The following FAM120A variants were observed in gnomAD, a reference collection of about 807,000 sequenced individuals.
FAM120A encodes constitutive coactivator of PPAR-gamma-like protein 1.
Under a neutral mutation model 109.7 loss-of-function variants are expected in FAM120A, and 15 were observed. That is an observed-to-expected ratio of 0.14 (90% CI 0.09 to 0.21). The LOEUF is 0.21. FAM120A is among the 10% of genes least tolerant of loss of function. FAM120A has a pLI of 1.00. For synonymous variants in FAM120A, 493 were observed against 572.8 expected, an observed-to-expected ratio of 0.86 and a Z score of 1.99; for missense variants, 899 against 1,439.3, an observed-to-expected ratio of 0.62 and a Z score of 6.07.
intron 7 of FAM120A, among the ~76,000 whole-genome samples, chr9:93,526,948 C>T (rs1348689221): frequency 6.6e-6 from 1 of 152,100 alleles, no homozygotes; most frequent in African/African-American, 2.4e-5. Flanking sequence ...GTTAGGTGTT[C>T]GATAGTTTCT....
At chr9:93,513,327 A>T (rs1209415008) in intron 5 of FAM120A, among the ~76,000 whole-genome samples, 1 of 152,142 alleles carries the variant, frequency 6.6e-6, no homozygotes, top group African/African-American at 2.4e-5. Flanking sequence ...TGTGTGCGCC[A>T]TGCATGCACG....
intron 1 of FAM120A, among the ~76,000 whole-genome samples, chr9:93,454,124 G>A (rs1485122470): frequency 6.6e-6 from 1 of 152,188 alleles, no homozygotes; most frequent in Non-Finnish European, 1.5e-5. Flanking sequence ...ATGTGTCAGT[G>A]TTAGGAAACT....
chr9:93,471,470 A>C, intron 2 of FAM120A, 83 bp downstream of exon 2: 1 of 1,533,808 alleles, frequency 6.5e-7, no homozygotes, highest in Non-Finnish European at 8.9e-7. Flanking sequence ...TCTGTGCTTG[A>C]ATGTTTTGGA....
At chr9:93,553,406 A>G (rs1862174346) in intron 12 of FAM120A, among the ~76,000 whole-genome samples, 1 of 152,260 alleles carries the variant, frequency 6.6e-6, no homozygotes, top group African/African-American at 2.4e-5. Flanking sequence ...GGGGCATGCA[A>G]CATGTCTGTG....
At chr9:93,489,450 AT>A (rs1859214862) in intron 3 of FAM120A, among the ~76,000 whole-genome samples, 1 of 152,158 alleles carries the variant, frequency 6.6e-6, no homozygotes, top group Admixed American at 6.5e-5. Flanking sequence ...TTGTAAAGAG[AT>A]CCTGTCACTG....
Position 93,452,427 on chromosome 9 carries a change from C to A in FAM120A, c.474+38C>A. 6.4e-7 allele frequency: 1 copy of A among 1,572,790 alleles called. No homozygotes were observed. Among genetic ancestry groups the A allele is most frequent in the East Asian group, 2.3e-5 (1 of 42,780 alleles). On this transcript the variant is annotated intron_variant, in intron 1 of 17. Coordinates refer to ENST00000277165, the MANE Select transcript of FAM120A (RefSeq NM_014612.5). This position sits in a 1 kb window ranked among gnomAD's most constrained non-coding sequence, Gnocchi z 7.0. The stretch of plus-strand genomic sequence containing the variant: ...ATCCGGGCGGGCCGGGGACCGGGGC[C>A]GCGCCGCACCCCTATCCCCCTTCCC...
chr9:93,513,825 G>A (rs112543622), intron 5 of FAM120A, among the ~76,000 whole-genome samples: 4 of 152,158 alleles, frequency 2.6e-5, no homozygotes, highest in South Asian at 4.1e-4. Flanking sequence ...GTCTCACCAC[G>A]CCCAGTGTTG....
At position 93,565,608 on chromosome 9, in the gene FAM120A, T is replaced by C. The variant is rs1862607341; in HGVS notation, c.*1068T>C. 3 of 152,372 alleles carry C rather than the reference T, an allele frequency of 2.0e-5. No homozygotes were observed. The allele number at this position is 152,372 out of a possible 1,614,324, so 9.4% of individuals were successfully genotyped here. A position where few individuals can be genotyped will look rare whatever the true frequency, so the allele number is the denominator to read the frequency against. ...ATCAACATTACCCTGGTGTATTCAC[T>C]GCTGTATGCATTATTGTTCTTTGTT... On this transcript the variant is annotated 3_prime_UTR_variant, in exon 18 of 18. Coordinates refer to ENST00000277165, the MANE Select transcript of FAM120A (RefSeq NM_014612.5).
chr9:93,462,084 C>T (rs1202361131), intron 1 of FAM120A, among the ~76,000 whole-genome samples: 4 of 152,248 alleles, frequency 2.6e-5, no homozygotes, highest in South Asian at 2.1e-4. Context: ...TCCTAATTGT[C>T]GTTAATCAAA....
Position 93,476,264 on chromosome 9 carries a change from A to G in FAM120A, c.730A>G (p.Ile244Val), listed in dbSNP as rs1387806221. Residue 244 changes from isoleucine (I) to valine (V), a missense_variant, in exon 3 of 18, where the codon ATT becomes GTT. Around this residue, in one of 11 missense-constraint regions of FAM120A, gnomAD observed 258 missense variants for 451.4 expected, o/e 0.57. Coordinates refer to ENST00000277165, the MANE Select transcript of FAM120A (RefSeq NM_014612.5). ...PIFAALLGNH[I>V]LPDEDLASFH... ...CCATGTTTATATTCCAGGAAATCAC[A>G]TTCTGCCTGATGAAGATCTGGCTTC... 1 of 1,604,406 alleles carries G rather than the reference A, an allele frequency of 6.2e-7. No individual in the cohort carries two copies. Among genetic ancestry groups the G allele is most frequent in the African/African-American group, 1.3e-5 (1 of 74,626 alleles).
chr9:93,501,297 G>T (rs1414977750), intron 5 of FAM120A, among the ~76,000 whole-genome samples: 1 of 152,148 alleles, frequency 6.6e-6, no homozygotes, highest in Non-Finnish European at 1.5e-5. Context: ...GCATTGATCT[G>T]GGCTCATAAT....
chr9:93,545,424 G>T (rs914802624), intron 11 of FAM120A, among the ~76,000 whole-genome samples: 1 of 152,230 alleles, frequency 6.6e-6, no homozygotes, highest in African/African-American at 2.4e-5. Flanking sequence ...GTAGCTTCTG[G>T]CTCTGGCAGT....
rs190975340 is a variant in FAM120A, at chr9:93,485,470, C to T, written c.804+9132C>T. Among the ~76,000 whole-genome samples the T allele has an allele frequency of 3.3e-5, 5 of 152,082 alleles. No homozygotes were observed. In the East Asian group the frequency reaches 7.7e-4, roughly 24 times the overall value. Reference sequence around the variant, plus strand: ...AAACTAGCTGGGTGTGGTGGCATACCCCTGTAGTCCCAACTACTTGACAGA... The same window carrying T: ...AAACTAGCTGGGTGTGGTGGCATACTCCTGTAGTCCCAACTACTTGACAGA... On this transcript the variant is annotated intron_variant, in intron 3 of 17. Transcript: ENST00000277165.
intron 13 of FAM120A, among the ~76,000 whole-genome samples, chr9:93,557,201 C>G (rs1862315831): frequency 6.8e-6 from 1 of 147,750 alleles, no homozygotes; most frequent in African/African-American, 2.5e-5. Context: ...GCGGTCTCAG[C>G]TCACTGTAAC....
intron 10 of FAM120A, among the ~76,000 whole-genome samples, chr9:93,535,216 C>T (rs903992712): frequency 2.0e-5 from 3 of 152,152 alleles, no homozygotes; most frequent in African/African-American, 7.2e-5. Flanking sequence ...TGCGTAAGTG[C>T]TGAGATGCTT....
In FAM120A at chr9:93,516,246, C is replaced by T. The variant is rs373196228; in HGVS notation, c.1395C>T (p.Asp465=). 5.5e-5 allele frequency: 89 copies of T among 1,612,818 alleles called. No individual in the cohort carries two copies. The highest frequency in any genetic ancestry group is 4.2e-4 in the South Asian group (38 of 90,992). ...CTACATCGTCATCTTCCGACAACGA[C>T]GAGGGCAGCGGAGGGGCGACAAAGT... ...GSSTSSSSDN[D]EGSGGATNHI... Residue 465 remains aspartate, a synonymous_variant, in exon 7 of 18, where the codon GAC becomes GAT. Coordinates refer to ENST00000277165, the MANE Select transcript of FAM120A (RefSeq NM_014612.5).
Position 93,500,964 on chromosome 9 carries a change from T to G in FAM120A, c.1030+2078T>G, listed in dbSNP as rs1487043936. 6.6e-6 allele frequency among the ~76,000 whole-genome samples: 1 copy of G among 152,254 alleles called. No individual in the cohort carries two copies. Among genetic ancestry groups the G allele is most frequent in the Non-Finnish European group, 1.5e-5 (1 of 68,042 alleles). ...CTTTAGTGAAGTACTTGTTCAGTCA[T>G]TCAATGCCCTTTTAGGTAATTCTGC... On this transcript the variant is annotated intron_variant, in intron 5 of 17. Transcript: ENST00000277165. The surrounding 1 kb of genome is among the most constrained non-coding windows in gnomAD (Gnocchi z 4.6).
intron 2 of FAM120A, among the ~76,000 whole-genome samples, chr9:93,475,317 A>G (rs1858502642): frequency 6.6e-6 from 1 of 152,188 alleles, no homozygotes; most frequent in Admixed American, 6.5e-5. Flanking sequence ...TTGATGTTGA[A>G]AAAGTTTCAG....
chr9:93,477,888 A>G (rs774301212), intron 3 of FAM120A, among the ~76,000 whole-genome samples: 1 of 152,230 alleles, frequency 6.6e-6, no homozygotes, highest in African/African-American at 2.4e-5. Context: ...TTGTTGAGAA[A>G]ATCTTTAAGT....
Sources: gnomAD v4.1 joint callset for allele counts (sites outside exome capture counted in the v4.1 genomes callset) on GRCh38, gnomAD v4.1.1 for gene constraint, gnomAD v4.1.1 regional missense constraint, Gnocchi (gnomAD v3.1) non-coding constraint, MANE v1.5 for transcripts, NCBI Gene and HGNC (gene_info 2026-07-23, HGNC 2026-07-21) for gene names.